Variants in IQCB1 observed in about 807,000 individuals in gnomAD.
The protein encoded by IQCB1 is IQ calmodulin-binding motif-containing protein 1.
A neutral mutation model predicts 84.4 loss-of-function variants in IQCB1; 56 were observed. That is an observed-to-expected ratio of 0.66 (90% CI 0.54 to 0.83). The LOEUF is 0.83. Ranked by LOEUF, IQCB1 falls within the 40% of genes least tolerant of loss-of-function variation. The pLI is 0.00. For missense variants in IQCB1, 629 were observed against 682.1 expected, an observed-to-expected ratio of 0.92 and a Z score of 0.87; for synonymous variants, 210 against 234.8, an observed-to-expected ratio of 0.89 and a Z score of 0.96.
rs148569732 is a variant in IQCB1 at position 121,797,144 on chromosome 3, T to C, written c.850A>G (p.Met284Val). The C allele has an allele frequency of 1.9e-5, 31 of 1,602,400 alleles. No individual in the cohort carries two copies. The highest frequency in any genetic ancestry group is 4.5e-5 in the East Asian group (2 of 44,784). The change falls in exon 9 of 15, where the codon ATG becomes GTG. Residue 284 changes from methionine (M) to valine (V), a missense_variant. By Grantham distance (21) the Met-to-Val change is conservative. Coordinates refer to ENST00000310864, the MANE Select transcript of IQCB1 (RefSeq NM_001023570.4). ...LRQLVGLLSPMVYQEVEEQKL... is the reference protein window; with the variant it reads ...LRQLVGLLSPVVYQEVEEQKL... ...TGCTCTTCTACTTCCTGATAGACCA[T>C]TGGGCTTAAAAGGCCAACAAGCTGT...
chr3:121,792,079 C>G (rs1031806816), intron 10 of IQCB1, among the ~76,000 whole-genome samples: 1 of 152,088 alleles, frequency 6.6e-6, no homozygotes, highest in African/African-American at 2.4e-5. Flanking sequence ...GAGTGAGACT[C>G]CGCCTCAAAA....
At chr3:121,786,758 G>A (rs1023601396) in intron 12 of IQCB1, among the ~76,000 whole-genome samples, 4 of 152,118 alleles carry the variant, frequency 2.6e-5, no homozygotes, top group Non-Finnish European at 5.9e-5. Context: ...ATGTTCCTAT[G>A]ATGACCCCTA....
intron 5 of IQCB1, among the ~76,000 whole-genome samples, chr3:121,820,706 C>T (rs572414819): frequency 1.4e-5 from 2 of 148,140 alleles, no homozygotes; most frequent in South Asian, 2.2e-4. Flanking sequence ...AACTTAGACT[C>T]ATCATTAATA....
At chr3:121,821,855 G>A (rs1311075654) in intron 5 of IQCB1, among the ~76,000 whole-genome samples, 1 of 152,166 alleles carries the variant, frequency 6.6e-6, no homozygotes, top group African/African-American at 2.4e-5. Context: ...AAGATATTCT[G>A]GGTGTTTCTG....
chr3:121,805,228 C>T (rs566606525), intron 7 of IQCB1, among the ~76,000 whole-genome samples: 2 of 152,068 alleles, frequency 1.3e-5, no homozygotes, highest in African/African-American at 2.4e-5. Context: ...CCCGTTGAAT[C>T]GTAGTATGTT....
chr3:121,806,083 ATG>A (rs1949591823), intron 7 of IQCB1, among the ~76,000 whole-genome samples: 2 of 152,040 alleles, frequency 1.3e-5, no homozygotes. Flanking sequence ...TCAAAAAATT[ATG>A]TGTCATGTTT....
intron 2 of IQCB1, among the ~76,000 whole-genome samples, chr3:121,830,780 T>A (rs1256664092): frequency 1.3e-5 from 2 of 152,132 alleles, no homozygotes; most frequent in Non-Finnish European, 2.9e-5. Flanking sequence ...ACTCTAATCA[T>A]CCCTGCCTTT....
rs1163027442 is a variant in IQCB1 at position 121,795,443 on chromosome 3, C to A, written c.986+14G>T. 1.8e-5 allele frequency: 26 copies of A among 1,407,106 alleles called. No homozygotes were observed. Among genetic ancestry groups the A allele is most frequent in the Non-Finnish European group, 2.6e-5 (26 of 993,266 alleles). 87.2% of individuals were successfully genotyped at this position (1,407,106 alleles called of 1,614,324 possible). ...GATTCTATGATCATCAATCCCCTCACCAAATTTTTTTACCTGAAACTCCTC... is the reference window on the plus strand; with the variant it reads ...GATTCTATGATCATCAATCCCCTCAACAAATTTTTTTACCTGAAACTCCTC... On this transcript the variant is annotated intron_variant, in intron 10 of 14. Transcript: ENST00000310864.
chr3:121,829,100 T>C, intron 2 of IQCB1, 128 bp from the exon 3 acceptor site: 1 of 661,198 alleles, frequency 1.5e-6, no homozygotes, highest in Non-Finnish European at 2.7e-6. Context: ...AGAGGCAGAA[T>C]GTAGATTTTT....
chr3:121,780,916 ACAC>A (rs1199532951), intron 13 of IQCB1, among the ~76,000 whole-genome samples: 4 of 152,112 alleles, frequency 2.6e-5, no homozygotes, highest in Admixed American at 2.0e-4. Flanking sequence ...TCAGGCACAA[ACAC>A]CACCACCACA....
At chr3:121,816,265 TAACTCAAGATGGATTA>T (rs1950052963) in intron 5 of IQCB1, among the ~76,000 whole-genome samples, 1 of 151,994 alleles carries the variant, frequency 6.6e-6, no homozygotes, top group Admixed American at 6.6e-5. Context: ...ATATGAAAAT[TAACTCAAGATGGATTA>T]AAGACTTACA....
rs1310444048 is a variant in IQCB1 at position 121,778,810 on chromosome 3, G to A, written c.1410+2933C>T. ...AATCCTAGCTACCTGGGAGGCTGAG[G>A]CAGGAGAATCACTTGAACCCGGGAG... On this transcript the variant is annotated intron_variant, in intron 13 of 14. Transcript: ENST00000310864. Among the ~76,000 whole-genome samples the A allele has an allele frequency of 2.0e-5, 3 of 151,524 alleles. No homozygotes were observed. In the East Asian group the frequency reaches 5.8e-4, roughly 29 times the overall value.
chr3:121,781,891 T>C lies in IQCB1; in HGVS notation c.1279-17A>G. 2 of 1,611,076 alleles carry C rather than the reference T, an allele frequency of 1.2e-6. No homozygotes were observed. Reference sequence around the variant, plus strand: ...TTTAAGCGCCTGGAAGAAAAAAAATTGAAGGTTTGTGATTTTTCTCCCCTA... The same window carrying C: ...TTTAAGCGCCTGGAAGAAAAAAAATCGAAGGTTTGTGATTTTTCTCCCCTA... On this transcript the variant is annotated splice_polypyrimidine_tract_variant and intron_variant, in intron 12 of 14. Coordinates refer to ENST00000310864, the MANE Select transcript of IQCB1 (RefSeq NM_001023570.4).
intron 7 of IQCB1, among the ~76,000 whole-genome samples, chr3:121,801,896 G>T (rs536412343): frequency 6.8e-6 from 1 of 146,922 alleles, no homozygotes; most frequent in Non-Finnish European, 1.5e-5. Context: ...TGATATGATG[G>T]TATGTTTTTT....
At chr3:121,815,062 A>G (rs913416930) in intron 5 of IQCB1, among the ~76,000 whole-genome samples, 5 of 152,182 alleles carry the variant, frequency 3.3e-5, no homozygotes, top group Non-Finnish European at 5.9e-5. Context: ...CTTATCAACT[A>G]TGATTAAGTC....
chr3:121,785,940 G>A (rs1451120900), intron 12 of IQCB1, among the ~76,000 whole-genome samples: 1 of 151,328 alleles, frequency 6.6e-6, no homozygotes, highest in Non-Finnish European at 1.5e-5. Context: ...AGGGTGAGGT[G>A]GGAGGATCAC....
At chr3:121,792,684 G>C (rs907312756) in intron 10 of IQCB1, among the ~76,000 whole-genome samples, 2 of 140,276 alleles carry the variant, frequency 1.4e-5, no homozygotes, top group Non-Finnish European at 3.1e-5. Flanking sequence ...AAAAAAAAAA[G>C]TGAGATTTGG....
intron 7 of IQCB1, among the ~76,000 whole-genome samples, chr3:121,805,557 G>A (rs1357442454): frequency 3.9e-5 from 6 of 151,952 alleles, no homozygotes; most frequent in Non-Finnish European, 4.4e-5. Context: ...TGACCCTTTT[G>A]GGTCTTGCTT....
intron 7 of IQCB1, 39 bp downstream of exon 7, chr3:121,807,305 T>C: frequency 1.0e-6 from 1 of 969,478 alleles, no homozygotes; most frequent in Non-Finnish European, 1.7e-6. Flanking sequence ...ATGCTTCTGA[T>C]AAAAAAAAAG....
Sources: allele counts gnomAD v4.1 joint callset (sites outside exome capture counted in the v4.1 genomes callset), GRCh38; gene constraint gnomAD v4.1.1; transcripts MANE v1.5; gene names NCBI Gene and HGNC (gene_info 2026-07-23, HGNC 2026-07-21).